Variants in RAB3A observed in about 807,000 individuals in gnomAD.
RAB3A encodes the protein RAB3A, member RAS oncogene family, also known as ras-related protein Rab-3A.
RAB3A carries 5 observed loss-of-function variants against 19.7 expected under a neutral mutation model. That is an observed-to-expected ratio of 0.25 (90% confidence interval 0.13 to 0.53). The LOEUF (loss-of-function observed/expected upper bound fraction) is 0.53, where lower values mean the gene tolerates loss of function less well. RAB3A is among the 20% of genes least tolerant of loss of function. The pLI, the probability that RAB3A is intolerant of heterozygous loss-of-function variation, is 0.95. For synonymous variants in RAB3A, 119 were observed against 122.1 expected, an observed-to-expected ratio of 0.97 and a Z score of 0.17; for missense variants, 189 against 305.6, an observed-to-expected ratio of 0.62 and a Z score of 2.85.
Position 18,201,258 on chromosome 19 carries a change from A to AG in RAB3A, c.229-814_229-813insC, listed in dbSNP as rs1568652947. On this transcript the variant is annotated intron_variant, in intron 2 of 4. Transcript: ENST00000222256. ...CTCAAAACAATAACAACAAAAAAAA[A>AG]AAAAAAAAGAAAGAAAGAAAGAAAG... Among the ~76,000 whole-genome samples the AG allele has an allele frequency of 1.4e-4, 20 of 142,264 alleles. 1 individual carries two copies. Among genetic ancestry groups the AG allele is most frequent in the Admixed American group, 5.8e-4 (8 of 13,764 alleles). The allele number at this position is 142,264 out of a possible 152,430, so 93.3% of individuals were successfully genotyped here.
chr19:18,199,382 C>G (rs913594804), intron 3 of RAB3A, among the ~76,000 whole-genome samples: 23 of 152,076 alleles, frequency 1.5e-4, no homozygotes, highest in African/African-American at 5.3e-4. Flanking sequence ...GACTCGAACT[C>G]CTGAGCTCAA....
At chr19:18,201,772 GA>G (rs1474868066) in intron 2 of RAB3A, among the ~76,000 whole-genome samples, 1 of 152,100 alleles carries the variant, frequency 6.6e-6, no homozygotes, top group African/African-American at 2.4e-5. Flanking sequence ...GGACCAAGGA[GA>G]AAAATCAAGC....
At position 18,197,336 on chromosome 19, in the gene RAB3A, A is replaced by T. The variant is rs2147979760; in HGVS notation, c.*134T>A. The T allele has an allele frequency of 2.5e-6, 2 of 806,470 alleles. No homozygotes were observed. The highest frequency in any genetic ancestry group is 7.6e-4 in the Middle Eastern group (2 of 2,648). 50.0% of individuals were successfully genotyped at this position (806,470 alleles called of 1,614,324 possible). On this transcript the variant is annotated 3_prime_UTR_variant, in exon 5 of 5. Transcript: ENST00000222256. ...TTCAATAAATAAATAAATAGCTACA[A>T]TAATAAATAAGGGTGACGGGCTAAG...
At position 18,202,222 on chromosome 19, in the gene RAB3A, G is replaced by T. The variant is rs966426211; in HGVS notation, c.228+291C>A. Reference sequence around the variant, plus strand: ...CATTCCAGCCTAGGGGACAGAGCAAGACCACCCTGTCTCAAAAAACAAACA... The same window carrying T: ...CATTCCAGCCTAGGGGACAGAGCAATACCACCCTGTCTCAAAAAACAAACA... On this transcript the variant is annotated intron_variant, in intron 2 of 4. Transcript: ENST00000222256. The surrounding 1 kb of genome is among the most constrained non-coding windows in gnomAD (Gnocchi z 4.2). 8.1e-6 allele frequency: 3 copies of T among 370,448 alleles called. No homozygotes were observed. The highest frequency in any genetic ancestry group is 6.3e-5 in the African/African-American group (3 of 47,924). 22.9% of individuals were successfully genotyped at this position (370,448 alleles called of 1,614,324 possible). A position where few individuals can be genotyped will look rare whatever the true frequency, so the allele number is the denominator to read the frequency against.
At position 18,202,944 on chromosome 19, in the gene RAB3A, G is replaced by T; in HGVS notation, c.1-204C>A. ...TTGAAATCCTGGGCGTTTCAGAGGA[G>T]GGGCTCAGAGGGTTGCCGATGGGGA... On this transcript the variant is annotated intron_variant, in intron 1 of 4. Transcript: ENST00000222256. This position sits in a 1 kb window ranked among gnomAD's most constrained non-coding sequence, Gnocchi z 4.2. The T allele has an allele frequency of 1.8e-6, 1 of 555,676 alleles. No individual in the cohort carries two copies. Among genetic ancestry groups the T allele is most frequent in the Non-Finnish European group, 3.2e-6 (1 of 310,666 alleles). 34.4% of individuals were successfully genotyped at this position (555,676 alleles called of 1,614,324 possible). A position where few individuals can be genotyped will look rare whatever the true frequency, so the allele number is the denominator to read the frequency against.
intron 3 of RAB3A, among the ~76,000 whole-genome samples, chr19:18,199,181 G>A (rs1967575153): frequency 1.3e-5 from 2 of 151,982 alleles, no homozygotes; most frequent in Non-Finnish European, 2.9e-5. Context: ...TTTTGAGATA[G>A]AGTCTTGCTC....
chr19:18,200,741 C>T (rs960437991), intron 2 of RAB3A, among the ~76,000 whole-genome samples: 1 of 151,912 alleles, frequency 6.6e-6, no homozygotes. Context: ...TCCAGACCAG[C>T]CTGAGCAACA....
intron 1 of RAB3A, among the ~76,000 whole-genome samples, chr19:18,203,682 C>A (rs1478989311): frequency 6.6e-6 from 1 of 152,218 alleles, no homozygotes; most frequent in Non-Finnish European, 1.5e-5. Context: ...CCCTCCCCCT[C>A]CGCCGCAGAG....
intron 4 of RAB3A, among the ~76,000 whole-genome samples, chr19:18,198,515 C>T (rs563702406): frequency 3.3e-4 from 50 of 152,264 alleles, no homozygotes; most frequent in African/African-American, 9.4e-4. Flanking sequence ...AAGCGTTGGA[C>T]GGTGAGTGTC....
rs1967627264 is a variant in RAB3A, at chr19:18,202,552, G to A, written c.189C>T (p.Thr63=). The part of the protein sequence containing the change: ...STVGIDFKVK[T]IYRNDKRIKL... Reference sequence around the variant, plus strand: ...TGATCCTCTTGTCGTTGCGATAGATGGTCTTGACCTTGAAGTCGATGCCCA... The same window carrying A: ...TGATCCTCTTGTCGTTGCGATAGATAGTCTTGACCTTGAAGTCGATGCCCA... The change falls in exon 2 of 5, where the codon ACC becomes ACT. Residue 63 remains threonine, a synonymous_variant. Coordinates refer to ENST00000222256, the MANE Select transcript of RAB3A (RefSeq NM_002866.5). This position sits in a 1 kb window ranked among gnomAD's most constrained non-coding sequence, Gnocchi z 4.2. 6.2e-7 allele frequency: 1 copy of A among 1,614,176 alleles called. No homozygotes were observed. The highest frequency in any genetic ancestry group is 8.5e-7 in the Non-Finnish European group (1 of 1,180,042).
In RAB3A at chr19:18,197,550, C is replaced by T. The variant is rs1346876779; in HGVS notation, c.583G>A (p.Asp195Asn). 6.2e-7 allele frequency: 1 copy of T among 1,613,832 alleles called. No homozygotes were observed. The highest frequency in any genetic ancestry group is 2.2e-5 in the East Asian group (1 of 44,880). Residue 195 changes from aspartate to asparagine, a missense_variant, in exon 5 of 5, where the codon GAC (aspartate) becomes AAC (asparagine). By Grantham distance (23) the Asp-to-Asn change is conservative (BLOSUM62 1). Coordinates refer to ENST00000222256, the MANE Select transcript of RAB3A (RefSeq NM_002866.5). The stretch of plus-strand genomic sequence containing the variant: ...TGCTTGGCGCCTGTGACCGCAGGGT[C>T]CGCCGTGTCCAACGACTCGGACATC... ...EKMSESLDTA[D>N]PAVTGAKQGP...
At chr19:18,201,231 G>A (rs1468998719) in intron 2 of RAB3A, among the ~76,000 whole-genome samples, 9 of 121,214 alleles carry the variant, frequency 7.4e-5, no homozygotes, top group East Asian at 2.4e-4. Flanking sequence ...GCGAGACTCC[G>A]TCTCAAAACA....
chr19:18,199,681 G>A (rs1414604448), intron 3 of RAB3A, among the ~76,000 whole-genome samples: 3 of 151,900 alleles, frequency 2.0e-5, no homozygotes, highest in South Asian at 2.1e-4. Context: ...GCGCCACCAC[G>A]TCTGGCTAAT....
intron 4 of RAB3A, 151 bp from the exon 5 acceptor site, chr19:18,197,811 T>G: frequency 7.9e-6 from 1 of 126,210 alleles, no homozygotes; most frequent in Non-Finnish European, 2.2e-5. Context: ...AGAAACTTAT[T>G]GAAGGTACTG....
intron 4 of RAB3A, among the ~76,000 whole-genome samples, chr19:18,198,159 C>A (rs12462801): frequency 0.24 from 37,128 of 151,838 alleles, 5,829 homozygotes; most frequent in Non-Finnish European, 0.34. Flanking sequence ...ACACTCAAAT[C>A]CAGCTGTGAC....
intron 3 of RAB3A, 117 bp from the exon 4 acceptor site, chr19:18,198,966 T>A: frequency 4.7e-6 from 6 of 1,287,216 alleles, no homozygotes; most frequent in Non-Finnish European, 6.3e-6. Flanking sequence ...AGCTTGCCCC[T>A]CCATCCTCCC....
rs1967532444 is a variant in RAB3A at position 18,196,909 on chromosome 19, G to GGA, written c.*560_*561insTC. On this transcript the variant is annotated 3_prime_UTR_variant, in exon 5 of 5. Transcript: ENST00000222256. ...GGTCAGAACAGGTCTGGTGGGCGGG[G>GGA]GGGGGGGGGGTCCCAGGGTGGTGAA... 7.1e-6 allele frequency: 1 copy of GGA among 141,354 alleles called. No individual in the cohort carries two copies. Among genetic ancestry groups the GGA allele is most frequent in the South Asian group, 2.2e-4 (1 of 4,566 alleles). 8.8% of individuals were successfully genotyped at this position (141,354 alleles called of 1,614,324 possible). A position where few individuals can be genotyped will look rare whatever the true frequency, so the allele number is the denominator to read the frequency against.
rs1350074738 is a variant in RAB3A, at chr19:18,197,169, AAGG to A, written c.*298_*300del. The A allele has an allele frequency of 4.2e-6, 1 of 239,912 alleles. No individual in the cohort carries two copies. 14.9% of individuals were successfully genotyped at this position (239,912 alleles called of 1,614,324 possible). On this transcript the variant is annotated 3_prime_UTR_variant, in exon 5 of 5. Transcript: ENST00000222256. ...TGTGGATGGGGGTGAATTTTAAAAA[AAGG>A]CGGGGGGGGGGGGTTCAGGAGGGTG...
At chr19:18,200,071 A>G (rs565857397) in intron 3 of RAB3A, among the ~76,000 whole-genome samples, 4 of 152,224 alleles carry the variant, frequency 2.6e-5, no homozygotes, top group Non-Finnish European at 4.4e-5. Context: ...ACTTGAGCCA[A>G]GGAGTTCAAG....
Sources: gnomAD v4.1 joint callset for allele counts (sites outside exome capture counted in the v4.1 genomes callset) on GRCh38, gnomAD v4.1.1 for gene constraint, Gnocchi (gnomAD v3.1) non-coding constraint, MANE v1.5 for transcripts, NCBI Gene and HGNC (gene_info 2026-07-23, HGNC 2026-07-21) for gene names.